FUT9: variants seen among roughly 807,000 people sequenced by gnomAD.
The protein encoded by FUT9 is fucosyltransferase 9.
FUT9 carries 15 observed loss-of-function variants against 29.7 expected under a neutral mutation model. That is an observed-to-expected ratio of 0.51 (90% CI 0.34 to 0.78). FUT9 has a LOEUF of 0.78. Among genes scored for constraint, FUT9 ranks in the 30% least tolerant of loss-of-function variants. FUT9 has a pLI of 0.01. For missense variants in FUT9, 319 were observed against 425.4 expected, an observed-to-expected ratio of 0.75 and a Z score of 2.20; for synonymous variants, 169 against 153.7, an observed-to-expected ratio of 1.10 and a Z score of -0.74.
At chr6:96,162,855 G>A (rs537901713) in intron 2 of FUT9, among the ~76,000 whole-genome samples, 6 of 152,256 alleles carry the variant, frequency 3.9e-5, no homozygotes, top group Non-Finnish European at 7.4e-5. Flanking sequence ...GTGGTAGAGA[G>A]GTATTCTTTA....
chr6:96,041,799 T>C (rs1211621183), intron 1 of FUT9, among the ~76,000 whole-genome samples: 3 of 152,214 alleles, frequency 2.0e-5, no homozygotes, highest in African/African-American at 7.2e-5. Context: ...TTAATCCCGA[T>C]GAGTCTCCTC....
chr6:96,093,914 T>G (rs1288026163), intron 1 of FUT9, among the ~76,000 whole-genome samples: 1 of 152,042 alleles, frequency 6.6e-6, no homozygotes, highest in African/African-American at 2.4e-5. Context: ...AAAAATAAAA[T>G]CCACATCTGT....
chr6:96,071,142 G>T (rs931747105), intron 1 of FUT9, among the ~76,000 whole-genome samples: 1 of 152,152 alleles, frequency 6.6e-6, no homozygotes, highest in African/African-American at 2.4e-5. Context: ...TGAAAGTAAA[G>T]AAATTTCAGA....
intron 2 of FUT9, among the ~76,000 whole-genome samples, chr6:96,140,992 C>T (rs1372407924): frequency 6.6e-6 from 1 of 152,116 alleles, no homozygotes; most frequent in Non-Finnish European, 1.5e-5. Context: ...ACAAACACTT[C>T]AGTTTCTGGG....
intron 2 of FUT9, among the ~76,000 whole-genome samples, chr6:96,150,180 G>GT (rs1452607050): frequency 6.6e-6 from 1 of 152,120 alleles, no homozygotes; most frequent in Non-Finnish European, 1.5e-5. Context: ...TGTTATACTG[G>GT]TGTGCTATAC....
chr6:96,116,627 A>G lies in FUT9; in HGVS notation c.-9+2500A>G, dbSNP rs185417222. ...ATTTTTAAAAGGAAAGTATTGATTT[A>G]TGCATATCATGGATGAACGTTTTAG... On this transcript the variant is annotated intron_variant, in intron 2 of 2. Transcript: ENST00000302103. Among the ~76,000 whole-genome samples the G allele has an allele frequency of 4.6e-5, 7 of 152,354 alleles. No individual in the cohort carries two copies. In the East Asian group the frequency reaches 1.3e-3, roughly 29 times the overall value.
At chr6:96,130,987 CG>C (rs1196740597) in intron 2 of FUT9, among the ~76,000 whole-genome samples, 1 of 152,044 alleles carries the variant, frequency 6.6e-6, no homozygotes, top group Non-Finnish European at 1.5e-5. Flanking sequence ...GCTTATAAGA[CG>C]GGGTTAATAA....
chr6:96,169,029 G>T (rs950228759), intron 2 of FUT9, among the ~76,000 whole-genome samples: 1 of 152,130 alleles, frequency 6.6e-6, no homozygotes, highest in Non-Finnish European at 1.5e-5. Context: ...ATAAAAGTGG[G>T]TTGACGTTCT....
chr6:96,152,743 A>G (rs1236749148), intron 2 of FUT9, among the ~76,000 whole-genome samples: 2 of 152,192 alleles, frequency 1.3e-5, no homozygotes, highest in South Asian at 2.1e-4. Context: ...GACTTTGCCT[A>G]CGAATATTCT....
chr6:96,043,689 G>A (rs1582189758), intron 1 of FUT9, among the ~76,000 whole-genome samples: 1 of 152,230 alleles, frequency 6.6e-6, no homozygotes, highest in African/African-American at 2.4e-5. Context: ...TCTTTGAATA[G>A]CATATTATTT....
chr6:96,184,941 A>C (rs4266501), intron 2 of FUT9, among the ~76,000 whole-genome samples: 138,613 of 151,976 alleles, frequency 0.91, 64,574 homozygotes, highest in Non-Finnish European at 1. Flanking sequence ...TCAAGAACAC[A>C]TTTCTCAAAG....
Position 96,130,995 on chromosome 6 carries a change from A to G in FUT9, c.-9+16868A>G, listed in dbSNP as rs79752664. Among the ~76,000 whole-genome samples, 1,103 of 152,238 alleles carry G rather than the reference A, an allele frequency of 7.2e-3. 21 individuals carry two copies. The highest frequency in any genetic ancestry group is 0.023 in the African/African-American group (947 of 41,552). ...CGTCCCTGCTTATAAGACGGGGTTA[A>G]TAATATTACCACCTACACTGTTGGT... On this transcript the variant is annotated intron_variant, in intron 2 of 2. Transcript: ENST00000302103.
At chr6:96,137,277 TAAAC>T (rs1236494167) in intron 2 of FUT9, among the ~76,000 whole-genome samples, 1 of 151,916 alleles carries the variant, frequency 6.6e-6, no homozygotes, top group Non-Finnish European at 1.5e-5. Flanking sequence ...AGTAATTTGA[TAAAC>T]AAAATAAATA....
Position 96,155,357 on chromosome 6 carries a change from GT to G in FUT9, c.-9+41235del, listed in dbSNP as rs1562145270. Among the ~76,000 whole-genome samples, 5 of 152,216 alleles carry G rather than the reference GT, an allele frequency of 3.3e-5. No homozygotes were observed. The South Asian group carries it at 1.0e-3, about 32-fold the overall frequency. On this transcript the variant is annotated intron_variant, in intron 2 of 2. Transcript: ENST00000302103. ...ATGTCGAAGTCCCAATCTCCAGTATGTTTTTGGAGATAAGGTCTTTAAAGAA... is the reference window on the plus strand; with the variant it reads ...ATGTCGAAGTCCCAATCTCCAGTATGTTTTGGAGATAAGGTCTTTAAAGAA...
intron 2 of FUT9, among the ~76,000 whole-genome samples, chr6:96,122,852 C>T (rs1382232398): frequency 2.0e-5 from 3 of 151,934 alleles, no homozygotes; most frequent in African/African-American, 7.3e-5. Context: ...CGAGACCATC[C>T]TGCCTAACAC....
chr6:96,050,426 G>GT (rs1770645375), intron 1 of FUT9, among the ~76,000 whole-genome samples: 4 of 152,174 alleles, frequency 2.6e-5, no homozygotes, highest in Non-Finnish European at 4.4e-5. Flanking sequence ...TAGTTTTTCA[G>GT]TCATGAGCAA....
intron 1 of FUT9, among the ~76,000 whole-genome samples, chr6:96,099,226 G>A (rs1582228371): frequency 6.6e-6 from 1 of 151,930 alleles, no homozygotes; most frequent in East Asian, 1.9e-4. Flanking sequence ...TGGGAGAACA[G>A]AGGAGCCATT....
chr6:96,201,754 T>G (rs1009158696), intron 2 of FUT9, among the ~76,000 whole-genome samples: 2 of 151,746 alleles, frequency 1.3e-5, no homozygotes, highest in African/African-American at 4.8e-5. Context: ...TTCATTTTCT[T>G]ATTGACTATA....
At chr6:96,044,471 A>G (rs1030212266) in intron 1 of FUT9, among the ~76,000 whole-genome samples, 2 of 152,232 alleles carry the variant, frequency 1.3e-5, no homozygotes, top group African/African-American at 4.8e-5. Flanking sequence ...CACAAAACAT[A>G]CAAATAAACA....
Sources: allele counts gnomAD v4.1 joint callset (sites outside exome capture counted in the v4.1 genomes callset), GRCh38; gene constraint gnomAD v4.1.1; transcripts MANE v1.5; gene names NCBI Gene and HGNC (gene_info 2026-07-23, HGNC 2026-07-21).